The following COL22A1 variants were observed in gnomAD, a reference collection of about 807,000 sequenced individuals.
The protein encoded by COL22A1 is collagen alpha-1(XXII) chain.
In COL22A1, 221 loss-of-function variants were observed where a neutral mutation model predicts 248.9. That is an observed-to-expected ratio of 0.89 (90% CI 0.80 to 0.99). The LOEUF (loss-of-function observed/expected upper bound fraction) is 0.99, where lower values mean the gene tolerates loss of function less well. COL22A1 is among the 50% of genes least tolerant of loss of function. COL22A1 has a pLI of 0.00. For synonymous variants in COL22A1, 891 were observed against 793.4 expected (o/e 1.12, Z -2.07); for missense variants, 2,240 against 2,179.0 (o/e 1.03, Z -0.56).
At position 138,877,832 on chromosome 8, in the gene COL22A1, G is replaced by C. The variant is rs1823853870; in HGVS notation, c.576C>G (p.Pro192=). 1 of 1,613,124 alleles carries C rather than the reference G, an allele frequency of 6.2e-7. No homozygotes were observed. ...ACACGTGGAAGACGTGGGCGGACTT[G>C]GGCTCTGAGGCGATCTCCTCCAGCT... is the stretch of plus-strand genomic sequence containing the variant. ...KEELEEIASE[P]KSAHVFHVSD... is the part of the protein sequence containing the mutation. Residue 192 remains proline, a synonymous_variant, in exon 3 of 65, where the codon CCC becomes CCG. Transcript: ENST00000303045.
At chr8:138,703,157 TG>T in intron 31 of COL22A1, 148 bp downstream of exon 31, 2 of 650,084 alleles carry the variant, frequency 3.1e-6, no homozygotes, top group Non-Finnish European at 5.6e-6. Flanking sequence ...TATATATTTT[TG>T]GTTTGTAGGA....
At chr8:138,693,022 C>T (rs1206308333) in intron 35 of COL22A1, among the ~76,000 whole-genome samples, 2 of 152,110 alleles carry the variant, frequency 1.3e-5, no homozygotes, top group African/African-American at 4.8e-5. Context: ...CCCAGAGACC[C>T]GGGGATAAGT....
chr8:138,882,681 T>C (rs200600442), intron 2 of COL22A1, among the ~76,000 whole-genome samples: 3 of 117,494 alleles, frequency 2.6e-5, no homozygotes, highest in Admixed American at 8.2e-5. Flanking sequence ...CACACTCCCA[T>C]ACACTCCCAC....
At position 138,802,989 on chromosome 8, in the gene COL22A1, T is replaced by C. The variant is rs374867067; in HGVS notation, c.1495-55A>G. 2.9e-4 allele frequency: 401 copies of C among 1,393,584 alleles called. 1 individual carries two copies. The highest frequency in any genetic ancestry group is 1.8e-3 in the Middle Eastern group (10 of 5,674). 86.3% of individuals were successfully genotyped at this position (1,393,584 alleles called of 1,614,324 possible). A position where few individuals can be genotyped will look rare whatever the true frequency, so the allele number is the denominator to read the frequency against. Reference sequence around the variant, plus strand: ...AGATTAGGTTTCCCGACAGGGCTCTTGCACACACAGGACCCTCACGGCCAA... The same window carrying C: ...AGATTAGGTTTCCCGACAGGGCTCTCGCACACACAGGACCCTCACGGCCAA... On this transcript the variant is annotated intron_variant, in intron 10 of 64. Transcript: ENST00000303045.
At chr8:138,639,789 G>T (rs1587735517) in intron 47 of COL22A1, among the ~76,000 whole-genome samples, 1 of 152,330 alleles carries the variant, frequency 6.6e-6, no homozygotes, top group African/African-American at 2.4e-5. Context: ...TCAGCAAAGA[G>T]ATAGTATTCC....
chr8:138,649,638 A>G, intron 46 of COL22A1, 27 bp downstream of exon 46: 1 of 1,599,944 alleles, frequency 6.3e-7, no homozygotes, highest in Non-Finnish European at 8.5e-7. Context: ...GTAATGATAA[A>G]AATCGAGTTT....
intron 49 of COL22A1, among the ~76,000 whole-genome samples, chr8:138,631,817 T>C (rs1199894123): frequency 6.6e-6 from 1 of 151,818 alleles, no homozygotes; most frequent in Non-Finnish European, 1.5e-5. Context: ...CCTGGGGAGG[T>C]CCCTTTTCTG....
intron 30 of COL22A1, among the ~76,000 whole-genome samples, chr8:138,713,763 C>T (rs966785103): frequency 1.3e-5 from 2 of 151,862 alleles, no homozygotes; most frequent in African/African-American, 4.9e-5. Context: ...TCTCACCAAG[C>T]AGATCTCTAA....
At chr8:138,909,559 A>T (rs893185887) in intron 1 of COL22A1, among the ~76,000 whole-genome samples, 15 of 149,114 alleles carry the variant, frequency 1.0e-4, no homozygotes, top group Non-Finnish European at 1.5e-4. Context: ...GATTTTTTTA[A>T]AAAAACTTAC....
Position 138,596,980 on chromosome 8 carries a change from A to C in COL22A1, c.4366-10T>G, listed in dbSNP as rs374155321. 5.6e-6 allele frequency: 9 copies of C among 1,612,352 alleles called. No individual in the cohort carries two copies. Among genetic ancestry groups the C allele is most frequent in the African/African-American group, 1.3e-5 (1 of 74,862 alleles). On this transcript the variant is annotated splice_polypyrimidine_tract_variant and intron_variant, in intron 61 of 64. Transcript: ENST00000303045. ...TGGATGGAGACTCCCCCTAGGAGGG[A>C]GGGAAGGTGGAGTCATTCATCTTCC...
Position 138,887,917 on chromosome 8 carries a change from A to G in COL22A1, c.-72-4673T>C, listed in dbSNP as rs183104760. On this transcript the variant is annotated intron_variant, in intron 1 of 64. Transcript: ENST00000303045. ...AGCATTGAGTATTATCACTCCTTCA[A>G]TCTTTGGTTAACTCAACAGAAGAGG... 3.7e-3 allele frequency among the ~76,000 whole-genome samples: 559 copies of G among 152,152 alleles called. 4 individuals carry two copies. Among genetic ancestry groups the G allele is most frequent in the African/African-American group, 0.012 (512 of 41,482 alleles).
At chr8:138,761,074 C>G (rs1833448647) in intron 17 of COL22A1, among the ~76,000 whole-genome samples, 1 of 152,210 alleles carries the variant, frequency 6.6e-6, no homozygotes, top group Non-Finnish European at 1.5e-5. Context: ...ACCCTCACTT[C>G]CTCTGTACTC....
chr8:138,737,490 C>A (rs754112493), intron 23 of COL22A1, 34 bp downstream of exon 23: 1 of 1,485,388 alleles, frequency 6.7e-7, no homozygotes, highest in Non-Finnish European at 9.4e-7. Context: ...AGAAAAGCAG[C>A]GTTGCTATGG....
chr8:138,694,067 C>G (rs188024939), intron 34 of COL22A1, among the ~76,000 whole-genome samples: 1 of 152,092 alleles, frequency 6.6e-6, no homozygotes, highest in Admixed American at 6.5e-5. Flanking sequence ...AGGCAAACAC[C>G]GAGCAAAATG....
chr8:138,690,800 T>A, intron 36 of COL22A1, 21 bp downstream of exon 36: 1 of 1,600,660 alleles, frequency 6.2e-7, no homozygotes, highest in Non-Finnish European at 8.5e-7. Flanking sequence ...GCCGTGCGTA[T>A]GCCCTCTCCC....
chr8:138,822,556 C>T (rs537686271), intron 6 of COL22A1, among the ~76,000 whole-genome samples: 1 of 152,276 alleles, frequency 6.6e-6, no homozygotes, highest in South Asian at 2.1e-4. Context: ...ATAGTATTTC[C>T]TTGTTCCATC....
intron 4 of COL22A1, among the ~76,000 whole-genome samples, chr8:138,836,303 G>A (rs1285485847): frequency 2.0e-5 from 3 of 151,568 alleles, no homozygotes; most frequent in Non-Finnish European, 2.9e-5. Flanking sequence ...GGAAAGGAAA[G>A]GGAAAGGGAA....
chr8:138,613,955 A>C (rs1819111869), intron 55 of COL22A1, 35 bp from the exon 56 acceptor site: 29 of 1,544,816 alleles, frequency 1.9e-5, no homozygotes, highest in Non-Finnish European at 2.5e-5. Flanking sequence ...GTCATCATCA[A>C]GTCACTGTGT....
At chr8:138,845,820 A>C (rs186695023) in intron 3 of COL22A1, among the ~76,000 whole-genome samples, 1 of 152,274 alleles carries the variant, frequency 6.6e-6, no homozygotes, top group Admixed American at 6.5e-5. Flanking sequence ...CTGTATTCTC[A>C]TAAATTTAGC....
Sources: gnomAD v4.1 joint callset for allele counts (sites outside exome capture counted in the v4.1 genomes callset) on GRCh38, gnomAD v4.1.1 for gene constraint, MANE v1.5 for transcripts, NCBI Gene and HGNC (gene_info 2026-07-23, HGNC 2026-07-21) for gene names.